Variants in DCAF10 observed in about 807,000 individuals in gnomAD.
The protein encoded by DCAF10 is DDB1- and CUL4-associated factor 10.
A neutral mutation model predicts 51.9 loss-of-function variants in DCAF10; 19 were observed. The observed-to-expected ratio is 0.37, with a 90% CI of 0.26 to 0.54. The LOEUF (loss-of-function observed/expected upper bound fraction) is 0.54. Ranked by LOEUF, DCAF10 falls within the 20% of genes least tolerant of loss-of-function variation. The probability of loss-of-function intolerance (pLI) is 0.87; values close to 1 mark genes in which losing one functional copy is unlikely to be tolerated. For missense variants in DCAF10, 510 were observed against 730.6 expected (o/e 0.70, Z 3.48); for synonymous variants, 291 against 297.1 (o/e 0.98, Z 0.21).
chr9:37,816,659 G>GGGGTGTGT (rs372664140), intron 1 of DCAF10, among the ~76,000 whole-genome samples: 121 of 144,978 alleles, frequency 8.3e-4, no homozygotes, highest in African/African-American at 3.0e-3. Context: ...CTGCACCTGG[G>GGGGTGTGT]GTGTGTGTGT....
At chr9:37,805,855 C>T (rs892245779) in intron 1 of DCAF10, among the ~76,000 whole-genome samples, 1 of 152,162 alleles carries the variant, frequency 6.6e-6, no homozygotes, top group African/African-American at 2.4e-5. Context: ...GAAGCCAAGG[C>T]AGGTGGATCA....
Position 37,863,486 on chromosome 9 carries a change from G to T in DCAF10, c.*1978G>T, listed in dbSNP as rs956354962. The T allele has an allele frequency of 6.6e-6, 1 of 152,176 alleles. No individual in the cohort carries two copies. Among genetic ancestry groups the T allele is most frequent in the Admixed American group, 6.5e-5 (1 of 15,278 alleles). The allele number at this position is 152,176 out of a possible 1,614,324, so 9.4% of individuals were successfully genotyped here. On this transcript the variant is annotated 3_prime_UTR_variant, in exon 7 of 7. Transcript: ENST00000377724. ...GAATCATTTGCATTATTTGACAAAT[G>T]AGAGAAGTGACATGACTTGCCTAAG...
In DCAF10 at chr9:37,829,264, AC is replaced by A. The variant is rs1178850931; in HGVS notation, c.653+9867del. On this transcript the variant is annotated intron_variant, in intron 2 of 6. Transcript: ENST00000377724. This position sits in a 1 kb window ranked among gnomAD's most constrained non-coding sequence, Gnocchi z 4.2. ...AGACCAGCCTGACCAACATGGAGAA[AC>A]CCCGTCTCTACTAAAAATACAAAAA... 6.6e-6 allele frequency among the ~76,000 whole-genome samples: 1 copy of A among 151,934 alleles called. No individual in the cohort carries two copies. The highest frequency in any genetic ancestry group is 2.4e-5 in the African/African-American group (1 of 41,368).
At chr9:37,856,193 C>T (rs1830843811) in intron 4 of DCAF10, among the ~76,000 whole-genome samples, 2 of 152,134 alleles carry the variant, frequency 1.3e-5, no homozygotes, top group Non-Finnish European at 2.9e-5. Context: ...AATCTTTCTC[C>T]TTGTGCACAG....
At chr9:37,845,214 C>T (rs934263444) in intron 3 of DCAF10, among the ~76,000 whole-genome samples, 10 of 151,672 alleles carry the variant, frequency 6.6e-5, no homozygotes, top group Non-Finnish European at 1.3e-4. Context: ...AGGATAAACC[C>T]GATGAAAGTA....
In DCAF10 at chr9:37,850,826, T is replaced by A. The variant is rs868779905; in HGVS notation, c.852-3954T>A. On this transcript the variant is annotated intron_variant, in intron 3 of 6. Transcript: ENST00000377724. ...AATGCTAAGTATGTGAGGATATATT[T>A]TATATATATATATATATATATATAT... 3.9e-3 allele frequency among the ~76,000 whole-genome samples: 177 copies of A among 45,822 alleles called. 1 individual carries two copies. Among genetic ancestry groups the A allele is most frequent in the African/African-American group, 8.7e-3 (152 of 17,426 alleles). 30.1% of individuals were successfully genotyped at this position (45,822 alleles called of 152,430 possible). A position where few individuals can be genotyped will look rare whatever the true frequency, so the allele number is the denominator to read the frequency against.
At chr9:37,807,658 C>CTTTTTTTTT (rs5897701) in intron 1 of DCAF10, among the ~76,000 whole-genome samples, 297 of 71,892 alleles carry the variant, frequency 4.1e-3, no homozygotes, top group East Asian at 4.8e-3. Context: ...CTTTTCTTTT[C>CTTTTTTTTT]TTTTTTTTTT....
intron 3 of DCAF10, among the ~76,000 whole-genome samples, chr9:37,852,930 T>TTATATATATATATATATATATATATATA (rs59469290): frequency 9.1e-6 from 1 of 109,822 alleles, no homozygotes; most frequent in Non-Finnish European, 1.8e-5. Context: ...GTATGTGAGG[T>TTATATATATATATATATATATATATATA]TATATATATA....
chr9:37,855,949 G>A (rs1293507007), intron 4 of DCAF10, among the ~76,000 whole-genome samples: 3 of 152,130 alleles, frequency 2.0e-5, no homozygotes, highest in East Asian at 3.9e-4. Context: ...CCAGGAGTTT[G>A]TGACCAGCCT....
intron 2 of DCAF10, among the ~76,000 whole-genome samples, chr9:37,822,404 GATATAT>G (rs59549239): frequency 0.11 from 14,135 of 123,582 alleles, 958 homozygotes; most frequent in East Asian, 0.18. Context: ...AAGAAACTGT[GATATAT>G]ATATATATAT....
intron 3 of DCAF10, among the ~76,000 whole-genome samples, chr9:37,846,605 C>T (rs1830480411): frequency 6.6e-6 from 1 of 151,946 alleles, no homozygotes; most frequent in South Asian, 2.1e-4. Context: ...TACAGGCATC[C>T]ACCACCACCC....
chr9:37,842,329 T>C, intron 3 of DCAF10, 43 bp downstream of exon 3: 1 of 1,531,764 alleles, frequency 6.5e-7, no homozygotes, highest in South Asian at 1.2e-5. Context: ...AACAAAAACA[T>C]TTTTTTTAAA....
In DCAF10 at chr9:37,861,102, C is replaced by G. The variant is rs778682229; in HGVS notation, c.1312-38C>G. The G allele has an allele frequency of 1.3e-6, 2 of 1,570,172 alleles. No homozygotes were observed. The highest frequency in any genetic ancestry group is 4.5e-5 in the East Asian group (2 of 44,104). On this transcript the variant is annotated intron_variant, in intron 6 of 6. Transcript: ENST00000377724. The surrounding 1 kb of genome is among the most constrained non-coding windows in gnomAD (Gnocchi z 4.9). ...AGGAATATCTGTAGCACTATTTGGG[C>G]TCTGTAACCTTGGTTTGTCTCCCTT...
In DCAF10 at chr9:37,819,387, T is replaced by C. The variant is rs1829638644; in HGVS notation, c.639T>C (p.Cys213=). ...IKTLSEAHED[C]VNNIRFLDNR... Reference sequence around the variant, plus strand: ...CACTTTCTGAAGCTCATGAAGACTGTGTAAATAATATCAGGTTAGTATTAT... The same window carrying C: ...CACTTTCTGAAGCTCATGAAGACTGCGTAAATAATATCAGGTTAGTATTAT... The change falls in exon 2 of 7, where the codon TGT becomes TGC. Residue 213 remains cysteine (C), a synonymous_variant. Transcript: ENST00000377724. 1 of 1,612,760 alleles carries C rather than the reference T, an allele frequency of 6.2e-7. No individual in the cohort carries two copies. Among genetic ancestry groups the C allele is most frequent in the Non-Finnish European group, 8.5e-7 (1 of 1,179,202 alleles).
chr9:37,827,018 G>T (rs573552376), intron 2 of DCAF10, among the ~76,000 whole-genome samples: 2 of 151,934 alleles, frequency 1.3e-5, no homozygotes, highest in East Asian at 3.9e-4. Flanking sequence ...TAGAGACAGG[G>T]TTTCTCCATG....
intron 2 of DCAF10, among the ~76,000 whole-genome samples, chr9:37,824,182 T>C (rs73449317): frequency 0.043 from 6,605 of 152,186 alleles, 488 homozygotes; most frequent in African/African-American, 0.15. Context: ...TGCCCAGTCA[T>C]TAGAGCACAT....
In DCAF10 at chr9:37,864,747, G is replaced by A. The variant is rs549797229; in HGVS notation, c.*3239G>A. ...TGGAAAGAGTTCATGTCAGATGCTAGACCAGCAAGTTACCCAACTCAAAAT... is the reference window on the plus strand; with the variant it reads ...TGGAAAGAGTTCATGTCAGATGCTAAACCAGCAAGTTACCCAACTCAAAAT... On this transcript the variant is annotated 3_prime_UTR_variant, in exon 7 of 7. Coordinates refer to ENST00000377724, the MANE Select transcript of DCAF10 (RefSeq NM_024345.5). The A allele has an allele frequency of 6.6e-6, 1 of 152,196 alleles. No homozygotes were observed. The highest frequency in any genetic ancestry group is 1.9e-4 in the East Asian group (1 of 5,178). The allele number at this position is 152,196 out of a possible 1,614,324, so 9.4% of individuals were successfully genotyped here. A position where few individuals can be genotyped will look rare whatever the true frequency, so the allele number is the denominator to read the frequency against.
intron 2 of DCAF10, among the ~76,000 whole-genome samples, chr9:37,840,287 C>A (rs928554576): frequency 5.9e-5 from 9 of 152,136 alleles, no homozygotes; most frequent in African/African-American, 1.7e-4. Flanking sequence ...TGTAAAACAG[C>A]CTCAGGGAGG....
At chr9:37,828,222 C>T (rs951136231) in intron 2 of DCAF10, among the ~76,000 whole-genome samples, 1 of 152,122 alleles carries the variant, frequency 6.6e-6, no homozygotes, top group African/African-American at 2.4e-5. Context: ...ATCCAGCACT[C>T]GTGCATGTGT....
Sources: gnomAD v4.1 joint callset for allele counts (sites outside exome capture counted in the v4.1 genomes callset) on GRCh38, gnomAD v4.1.1 for gene constraint, Gnocchi (gnomAD v3.1) non-coding constraint, MANE v1.5 for transcripts, NCBI Gene and HGNC (gene_info 2026-07-23, HGNC 2026-07-21) for gene names.